PTPRT: variants seen among roughly 807,000 people sequenced by gnomAD.
PTPRT encodes the protein receptor-type tyrosine-protein phosphatase T.
In PTPRT, 56 loss-of-function variants were observed where a neutral mutation model predicts 176.8. The ratio of observed to expected loss-of-function variants is 0.32; its 90% confidence interval spans 0.26 to 0.40. The LOEUF (loss-of-function observed/expected upper bound fraction) is 0.40, where lower values mean the gene tolerates loss of function less well. PTPRT is among the 10% of genes least tolerant of loss of function. The pLI, the probability that PTPRT is intolerant of heterozygous loss-of-function variation, is 1.00. For synonymous variants in PTPRT, 783 were observed against 739.0 expected (o/e 1.06, Z -0.96); for missense variants, 1,540 against 1,908.2 (o/e 0.81, Z 3.60).
intron 11 of PTPRT, among the ~76,000 whole-genome samples, chr20:42,342,257 A>T (rs1690789568): frequency 6.6e-6 from 1 of 152,200 alleles, no homozygotes; most frequent in Non-Finnish European, 1.5e-5. Context: ...CTACAGTAAC[A>T]TTCATCCCTT....
At chr20:42,889,095 C>T (rs762655541) in intron 1 of PTPRT, among the ~76,000 whole-genome samples, 2 of 152,166 alleles carry the variant, frequency 1.3e-5, no homozygotes, top group Non-Finnish European at 2.9e-5. Context: ...ACCTCCCTGC[C>T]TCTGCTTAAC....
intron 17 of PTPRT, among the ~76,000 whole-genome samples, chr20:42,143,180 T>C (rs1443852674): frequency 6.6e-6 from 1 of 152,164 alleles, no homozygotes; most frequent in Non-Finnish European, 1.5e-5. Context: ...ATCTGATTCA[T>C]GTATTACAAA....
chr20:43,090,944 A>G (rs1279004927), intron 1 of PTPRT, among the ~76,000 whole-genome samples: 1 of 152,166 alleles, frequency 6.6e-6, no homozygotes, highest in Non-Finnish European at 1.5e-5. Context: ...CTTTTAAAAA[A>G]TCCTGGCTGG....
chr20:42,751,686 C>T (rs58340192), intron 6 of PTPRT, among the ~76,000 whole-genome samples: 4,463 of 152,244 alleles, frequency 0.029, 210 homozygotes, highest in African/African-American at 0.1. Flanking sequence ...CCTTCGTCTT[C>T]CTCCTATGCT....
intron 13 of PTPRT, among the ~76,000 whole-genome samples, chr20:42,262,976 G>T (rs1231570295): frequency 1.3e-5 from 2 of 152,146 alleles, no homozygotes; most frequent in Non-Finnish European, 2.9e-5. Context: ...GATCCTAGAG[G>T]ATGAGTAAGG....
chr20:42,915,977 A>G (rs1254361336), intron 1 of PTPRT, among the ~76,000 whole-genome samples: 3 of 151,814 alleles, frequency 2.0e-5, no homozygotes, highest in African/African-American at 7.3e-5. Context: ...TATTATTATT[A>G]TTATACTTTA....
Position 42,315,904 on chromosome 20 carries a change from C to T in PTPRT, c.1958G>A (p.Arg653Gln), listed in dbSNP as rs724159842. Reference sequence around the variant, plus strand: ...TAGAGAATCGAGGCTGGAGGCATTCCGATAGCTCACGGGCACCGAAAAGCA... The same window carrying T: ...TAGAGAATCGAGGCTGGAGGCATTCTGATAGCTCACGGGCACCGAAAAGCA... ...IECFSVPVSY[R>Q]NASSLDSLHY... The change falls in exon 12 of 31, where the codon CGG becomes CAG. Residue 653 changes from arginine (R) to glutamine (Q), a missense_variant. This residue lies in a region of PTPRT where 81 missense variants were observed against 89.9 expected (regional missense o/e 0.90). Transcript: ENST00000373187. 35 of 1,613,882 alleles carry T rather than the reference C, an allele frequency of 2.2e-5. No individual in the cohort carries two copies. The highest frequency in any genetic ancestry group is 3.3e-5 in the Admixed American group (2 of 59,992).
chr20:42,640,613 T>C (rs779403500), intron 7 of PTPRT, among the ~76,000 whole-genome samples: 9 of 152,160 alleles, frequency 5.9e-5, no homozygotes, highest in Non-Finnish European at 1.3e-4. Context: ...GGTCTCGAAC[T>C]CCTGACCACC....
At chr20:42,940,950 C>T (rs576345901) in intron 1 of PTPRT, among the ~76,000 whole-genome samples, 10 of 151,914 alleles carry the variant, frequency 6.6e-5, no homozygotes, top group South Asian at 2.1e-4. Context: ...GATATGGTGG[C>T]GCGCGCCTGT....
intron 27 of PTPRT, among the ~76,000 whole-genome samples, chr20:42,086,749 A>ATATATATATATATAT (rs59068856): frequency 1.3e-5 from 1 of 75,162 alleles, no homozygotes; most frequent in Non-Finnish European, 2.6e-5. Flanking sequence ...AAAAAAAAAA[A>ATATATATATATATAT]AAAAATATAT....
chr20:42,784,108 T>C (rs2077255069), intron 3 of PTPRT, among the ~76,000 whole-genome samples: 1 of 152,170 alleles, frequency 6.6e-6, no homozygotes, highest in African/African-American at 2.4e-5. Context: ...AGATGAGGCT[T>C]GCATGGAAAG....
chr20:42,333,150 G>C (rs1243106633), intron 11 of PTPRT, among the ~76,000 whole-genome samples: 1 of 151,890 alleles, frequency 6.6e-6, no homozygotes, highest in Non-Finnish European at 1.5e-5. Context: ...ATGTGATACT[G>C]GATTTTCTTT....
chr20:42,402,813 T>G (rs760702), intron 9 of PTPRT, among the ~76,000 whole-genome samples: 72,407 of 150,928 alleles, frequency 0.48, 17,881 homozygotes, highest in Admixed American at 0.54. Context: ...GGTTTGGGGG[T>G]GTGTGTGTGT....
intron 1 of PTPRT, among the ~76,000 whole-genome samples, chr20:43,034,066 T>A (rs1986265129): frequency 6.6e-6 from 1 of 152,232 alleles, no homozygotes; most frequent in South Asian, 2.1e-4. Flanking sequence ...TCTAAGAGTC[T>A]GGGTCCGGGG....
chr20:42,517,318 ATAT>A (rs1320053152), intron 7 of PTPRT, among the ~76,000 whole-genome samples: 1 of 151,986 alleles, frequency 6.6e-6, no homozygotes, highest in Admixed American at 6.6e-5. Flanking sequence ...AGAGATTATA[ATAT>A]TATCTTTTAC....
At chr20:42,958,740 T>G (rs900518850) in intron 1 of PTPRT, among the ~76,000 whole-genome samples, 1 of 152,134 alleles carries the variant, frequency 6.6e-6, no homozygotes, top group Non-Finnish European at 1.5e-5. Flanking sequence ...ATAATTATAC[T>G]GGGGAACAAT....
chr20:42,673,405 C>T (rs971417587), intron 7 of PTPRT, among the ~76,000 whole-genome samples: 5 of 152,208 alleles, frequency 3.3e-5, no homozygotes, highest in African/African-American at 9.6e-5. Flanking sequence ...TGATTTATTA[C>T]GTCGGGGGAC....
intron 12 of PTPRT, among the ~76,000 whole-genome samples, chr20:42,286,873 T>C (rs1490869044): frequency 1.3e-5 from 2 of 151,796 alleles, no homozygotes; most frequent in African/African-American, 4.8e-5. Context: ...ATTCACAACA[T>C]ACTAGGAACT....
chr20:42,886,014 T>A (rs1043960457), intron 1 of PTPRT, 82 bp from the exon 2 acceptor site: 1 of 1,211,628 alleles, frequency 8.3e-7, no homozygotes, highest in East Asian at 3.2e-5. Context: ...GCTCTTCATT[T>A]ACAGCTTTGA....
Sources: allele counts gnomAD v4.1 joint callset (sites outside exome capture counted in the v4.1 genomes callset), GRCh38; gene constraint gnomAD v4.1.1; regional missense constraint gnomAD v4.1.1; transcripts MANE v1.5; gene names NCBI Gene and HGNC (gene_info 2026-07-23, HGNC 2026-07-21).